SIK3: variants seen among roughly 807,000 people sequenced by gnomAD.
SIK3 encodes the protein serine/threonine-protein kinase SIK3.
SIK3 carries 28 observed loss-of-function variants against 144.2 expected under a neutral mutation model. That is an observed-to-expected ratio of 0.19 (90% confidence interval 0.14 to 0.27). The LOEUF is 0.27. Among genes scored for constraint, SIK3 ranks in the 10% least tolerant of loss-of-function variants. The probability of loss-of-function intolerance (pLI) is 1.00; values close to 1 mark genes in which losing one functional copy is unlikely to be tolerated. For missense variants in SIK3, 1,319 were observed against 1,776.0 expected (o/e 0.74, Z 4.62); for synonymous variants, 686 against 676.3 (o/e 1.01, Z -0.22).
At chr11:117,017,238 G>C (rs73594145) in intron 1 of SIK3, among the ~76,000 whole-genome samples, 2,158 of 152,188 alleles carry the variant, frequency 0.014, 61 homozygotes, top group African/African-American at 0.049. Flanking sequence ...GGGTGACAGA[G>C]CAAGATTCTG....
intron 1 of SIK3, among the ~76,000 whole-genome samples, chr11:116,999,341 G>T (rs1950774237): frequency 6.6e-6 from 1 of 152,170 alleles, no homozygotes; most frequent in South Asian, 2.1e-4. Context: ...AACTACGGTT[G>T]TAAACTTAAA....
At chr11:116,908,223 C>T (rs1433871903) in intron 4 of SIK3, among the ~76,000 whole-genome samples, 1 of 152,190 alleles carries the variant, frequency 6.6e-6, no homozygotes, top group Admixed American at 6.5e-5. Context: ...CTCCTGTAAT[C>T]CCAGCATTCT....
intron 1 of SIK3, among the ~76,000 whole-genome samples, chr11:116,962,265 C>T (rs1949374927): frequency 6.6e-6 from 1 of 152,138 alleles, no homozygotes; most frequent in African/African-American, 2.4e-5. Context: ...GACAAATGGA[C>T]AGTTCAAGAA....
intron 6 of SIK3, among the ~76,000 whole-genome samples, chr11:116,895,867 A>C (rs771209357): frequency 1.3e-5 from 2 of 152,224 alleles, no homozygotes; most frequent in East Asian, 3.8e-4. Flanking sequence ...AAATATCCTG[A>C]AAAAGGGTAG....
At chr11:116,881,503 A>T (rs7124741) in intron 6 of SIK3, among the ~76,000 whole-genome samples, 128,886 of 152,112 alleles carry the variant, frequency 0.85, 55,246 homozygotes, top group Non-Finnish European at 0.89. Context: ...AAGTTGACAT[A>T]GCCAGTGTGA....
At chr11:117,054,076 C>T (rs1038738649) in intron 1 of SIK3, among the ~76,000 whole-genome samples, 2 of 152,140 alleles carry the variant, frequency 1.3e-5, no homozygotes, top group African/African-American at 4.8e-5. Flanking sequence ...GCTTATATTG[C>T]CTCTTATAAT....
At position 117,020,291 on chromosome 11, in the gene SIK3, T is replaced by G. The variant is rs140587667; in HGVS notation, c.274-63227A>C. Among the ~76,000 whole-genome samples the G allele has an allele frequency of 6.5e-3, 792 of 122,744 alleles. 8 individuals are homozygous for G. The highest frequency in any genetic ancestry group is 9.9e-3 in the Non-Finnish European group (588 of 59,342). The allele number at this position is 122,744 out of a possible 152,430, so 80.5% of individuals were successfully genotyped here. Reference sequence around the variant, plus strand: ...TGGTTCCTGGCTTAAAGCTCCTATATAACCCTTGTAATTTCCTAAGTGACT... The same window carrying G: ...TGGTTCCTGGCTTAAAGCTCCTATAGAACCCTTGTAATTTCCTAAGTGACT... On this transcript the variant is annotated intron_variant, in intron 1 of 24. Coordinates refer to ENST00000445177, the MANE Select transcript of SIK3 (RefSeq NM_001366686.3).
chr11:116,931,511 A>G (rs1295799317), intron 3 of SIK3, among the ~76,000 whole-genome samples: 1 of 152,218 alleles, frequency 6.6e-6, no homozygotes, highest in African/African-American at 2.4e-5. Flanking sequence ...TCTACAACTC[A>G]TAGTTGATGC....
chr11:117,004,354 A>G (rs535556134), intron 1 of SIK3, among the ~76,000 whole-genome samples: 17 of 152,048 alleles, frequency 1.1e-4, no homozygotes, highest in Admixed American at 2.0e-4. Context: ...ATCTCTACAA[A>G]AAATACAAAA....
At chr11:117,020,984 A>G (rs1951741303) in intron 1 of SIK3, among the ~76,000 whole-genome samples, 1 of 152,194 alleles carries the variant, frequency 6.6e-6, no homozygotes, top group East Asian at 1.9e-4. Context: ...TGTGGGACTG[A>G]GCCCTCAATC....
rs12275623 is a variant in SIK3 at position 116,937,405 on chromosome 11, T to G, written c.455-10025A>C. 7.8e-3 allele frequency among the ~76,000 whole-genome samples: 1,182 copies of G among 152,312 alleles called. 15 individuals carry two copies. Among genetic ancestry groups the G allele is most frequent in the African/African-American group, 0.024 (1,010 of 41,574 alleles). On this transcript the variant is annotated intron_variant, in intron 3 of 24. Transcript: ENST00000445177. ...TTACATAACTGAAACAATTCAGAAT[T>G]GAATCAAATAGAAGAACATTTCTAA...
chr11:116,899,654 A>G (rs1165750383), intron 4 of SIK3, among the ~76,000 whole-genome samples: 1 of 152,150 alleles, frequency 6.6e-6, no homozygotes, highest in Non-Finnish European at 1.5e-5. Flanking sequence ...CTGCTACAAG[A>G]CGCAGCAGAT....
chr11:116,945,029 G>C (rs983316768), intron 3 of SIK3, among the ~76,000 whole-genome samples: 1 of 151,172 alleles, frequency 6.6e-6, no homozygotes. Flanking sequence ...GCTGGATCTC[G>C]ACTCACTGCA....
At chr11:116,873,813 C>CTAGGA in intron 12 of SIK3, 90 bp downstream of exon 12, 1 of 1,511,366 alleles carries the variant, frequency 6.6e-7, no homozygotes, top group Non-Finnish European at 8.9e-7. Context: ...ATAAGTAAAC[C>CTAGGA]CTTAAGTCCT....
At position 116,927,339 on chromosome 11, in the gene SIK3, G is replaced by T; in HGVS notation, c.496C>A (p.Arg166Ser). 6.2e-7 allele frequency: 1 copy of T among 1,613,928 alleles called. No homozygotes were observed. The highest frequency in any genetic ancestry group is 8.5e-7 in the Non-Finnish European group (1 of 1,179,886). ...AHGRMAEKEARRKFKQIVTAV... is the reference protein window; with the variant it reads ...AHGRMAEKEASRKFKQIVTAV... The stretch of plus-strand genomic sequence containing the variant: ...GTGACGATCTGTTTGAACTTCCGAC[G>T]TGCCTCCTTTTCTGCCATTCTACCA... The change falls in exon 4 of 25, where the codon CGT becomes AGT. Residue 166 changes from arginine (R) to serine (S), a missense_variant. Arg to Ser is a moderately radical substitution (Grantham distance 110). This residue lies in a region of SIK3 where 125 missense variants were observed against 285.2 expected (regional missense o/e 0.44). Coordinates refer to ENST00000445177, the MANE Select transcript of SIK3 (RefSeq NM_001366686.3).
chr11:116,996,045 T>G (rs1005546385), intron 1 of SIK3, among the ~76,000 whole-genome samples: 1 of 152,140 alleles, frequency 6.6e-6, no homozygotes, highest in Non-Finnish European at 1.5e-5. Flanking sequence ...CAGTGGTTCA[T>G]GCCTATAATC....
At chr11:116,978,617 C>T (rs1478523458) in intron 1 of SIK3, among the ~76,000 whole-genome samples, 1 of 152,076 alleles carries the variant, frequency 6.6e-6, no homozygotes, top group African/African-American at 2.4e-5. Flanking sequence ...GATCCTTCCA[C>T]CTCAGCCTTC....
At chr11:117,035,935 T>C in intron 1 of SIK3, 1 of 1,592,666 alleles carries the variant, frequency 6.3e-7, no homozygotes, top group Non-Finnish European at 8.5e-7. Context: ...TTTTATAGCA[T>C]CCTGGGCATT....
chr11:116,957,041 C>T lies in SIK3; in HGVS notation c.297G>A (p.Lys99=). The part of the protein sequence containing the change: ...KAKVAIKIID[K]TQLDEENLKK... ...TCAAGTTTTCTTCATCCAGCTGGGT[C>T]TTATCTATGATCTTGATAGCAACCT... Residue 99 remains lysine, a synonymous_variant, in exon 2 of 25, where the codon AAG becomes AAA. Transcript: ENST00000445177. The T allele has an allele frequency of 1.2e-6, 2 of 1,607,042 alleles. No homozygotes were observed. Among genetic ancestry groups the T allele is most frequent in the Non-Finnish European group, 1.7e-6 (2 of 1,177,908 alleles).
Sources: gnomAD v4.1 joint callset for allele counts (sites outside exome capture counted in the v4.1 genomes callset) on GRCh38, gnomAD v4.1.1 for gene constraint, gnomAD v4.1.1 regional missense constraint, MANE v1.5 for transcripts, NCBI Gene and HGNC (gene_info 2026-07-23, HGNC 2026-07-21) for gene names.